The following PDGFD variants were observed in gnomAD, a reference collection of about 807,000 sequenced individuals.
The protein encoded by PDGFD is platelet-derived growth factor D.
PDGFD carries 30 observed loss-of-function variants against 44.7 expected under a neutral mutation model. The observed-to-expected ratio is 0.67, with a 90% confidence interval of 0.50 to 0.91. The LOEUF (loss-of-function observed/expected upper bound fraction) is 0.91. Among genes scored for constraint, PDGFD ranks in the 40% least tolerant of loss-of-function variants. PDGFD has a pLI of 0.00. For missense variants in PDGFD, 445 were observed against 457.8 expected (o/e 0.97, Z 0.25); for synonymous variants, 173 against 168.4 (o/e 1.03, Z -0.21).
At chr11:104,062,002 A>G (rs1860725290) in intron 1 of PDGFD, among the ~76,000 whole-genome samples, 2 of 152,100 alleles carry the variant, frequency 1.3e-5, no homozygotes, top group African/African-American at 4.8e-5. Context: ...TGGCTTGTCT[A>G]TGCCTCTAGT....
rs768449516 is a variant in PDGFD at position 103,907,298 on chromosome 11, CAT to C, written c.*2394_*2395del. The C allele has an allele frequency of 6.6e-6, 1 of 152,068 alleles. No individual in the cohort carries two copies. The highest frequency in any genetic ancestry group is 1.5e-5 in the Non-Finnish European group (1 of 68,000). The allele number at this position is 152,068 out of a possible 1,614,324, so 9.4% of individuals were successfully genotyped here. ...TGCATGTTACCGATATGACAAAAAACATAAAAAACTCTACTTATGAAAGTGTT... is the reference window on the plus strand; with the variant it reads ...TGCATGTTACCGATATGACAAAAAACAAAAAACTCTACTTATGAAAGTGTT... On this transcript the variant is annotated 3_prime_UTR_variant, in exon 7 of 7. Coordinates refer to ENST00000393158, the MANE Select transcript of PDGFD (RefSeq NM_025208.5).
At chr11:103,963,365 T>C (rs926075868) in intron 3 of PDGFD, among the ~76,000 whole-genome samples, 1 of 152,196 alleles carries the variant, frequency 6.6e-6, no homozygotes. Context: ...AGTTTGGGTC[T>C]TCTCAAAGAG....
intron 1 of PDGFD, among the ~76,000 whole-genome samples, chr11:104,163,013 C>T (rs1862411727): frequency 6.6e-6 from 1 of 152,114 alleles, no homozygotes; most frequent in Non-Finnish European, 1.5e-5. Flanking sequence ...AACCAGTGAC[C>T]CAGGTGTCCT....
At chr11:103,965,705 A>G (rs982803597) in intron 3 of PDGFD, among the ~76,000 whole-genome samples, 1 of 152,210 alleles carries the variant, frequency 6.6e-6, no homozygotes, top group Non-Finnish European at 1.5e-5. Flanking sequence ...CATACTGACC[A>G]TGGTAGACTT....
intron 1 of PDGFD, among the ~76,000 whole-genome samples, chr11:104,067,516 C>CAT (rs1860807062): frequency 6.6e-6 from 1 of 152,142 alleles, no homozygotes; most frequent in Admixed American, 6.5e-5. Context: ...ATTTCTCACA[C>CAT]ATATGTACCT....
intron 1 of PDGFD, among the ~76,000 whole-genome samples, chr11:104,155,205 T>C (rs1319103166): frequency 1.3e-5 from 2 of 152,202 alleles, no homozygotes; most frequent in African/African-American, 4.8e-5. Context: ...CTGGTTGAAA[T>C]ACATACATAC....
intron 5 of PDGFD, among the ~76,000 whole-genome samples, chr11:103,937,795 C>T (rs1591084492): frequency 1.4e-5 from 2 of 147,904 alleles, no homozygotes; most frequent in African/African-American, 2.5e-5. Flanking sequence ...TGAGTGAGAA[C>T]ATGCGGTGTT....
intron 1 of PDGFD, among the ~76,000 whole-genome samples, chr11:104,104,642 G>C (rs1306760427): frequency 6.6e-6 from 1 of 152,066 alleles, no homozygotes; most frequent in African/African-American, 2.4e-5. Context: ...CATGTAGTAG[G>C]CTGCACCATC....
chr11:104,109,848 TAG>T (rs998667115), intron 1 of PDGFD, among the ~76,000 whole-genome samples: 6 of 152,162 alleles, frequency 3.9e-5, no homozygotes, highest in Non-Finnish European at 8.8e-5. Flanking sequence ...CAGAGGTTAA[TAG>T]AGTGTGCTCT....
intron 3 of PDGFD, among the ~76,000 whole-genome samples, chr11:103,967,621 C>T (rs1859040720): frequency 1.3e-5 from 2 of 152,138 alleles, no homozygotes; most frequent in East Asian, 1.9e-4. Flanking sequence ...TACTCCCTTG[C>T]CACCTGGCTG....
chr11:103,982,916 G>A (rs1051563025), intron 3 of PDGFD, among the ~76,000 whole-genome samples: 1 of 151,750 alleles, frequency 6.6e-6, no homozygotes, highest in Admixed American at 6.6e-5. Context: ...AGAAATTAGA[G>A]ATGACACAAA....
chr11:103,908,995 T>A lies in PDGFD; in HGVS notation c.*699A>T, dbSNP rs1299399932. The A allele has an allele frequency of 6.6e-6, 1 of 152,188 alleles. No homozygotes were observed. The highest frequency in any genetic ancestry group is 1.5e-5 in the Non-Finnish European group (1 of 68,012). 9.4% of individuals were successfully genotyped at this position (152,188 alleles called of 1,614,324 possible). Reference sequence around the variant, plus strand: ...AATAAGCATGCCTCAGCAAAATGCATAAAAAACACAATGATTTAATTTCTA... The same window carrying A: ...AATAAGCATGCCTCAGCAAAATGCAAAAAAAACACAATGATTTAATTTCTA... On this transcript the variant is annotated 3_prime_UTR_variant, in exon 7 of 7. Coordinates refer to ENST00000393158, the MANE Select transcript of PDGFD (RefSeq NM_025208.5).
At chr11:103,927,787 A>G (rs143837804) in intron 5 of PDGFD, among the ~76,000 whole-genome samples, 6 of 152,332 alleles carry the variant, frequency 3.9e-5, no homozygotes, top group East Asian at 1.9e-4. Context: ...ACTGCCTTCA[A>G]TCACATCATG....
At chr11:103,985,524 C>T (rs998164045) in intron 3 of PDGFD, among the ~76,000 whole-genome samples, 21 of 151,394 alleles carry the variant, frequency 1.4e-4, no homozygotes, top group African/African-American at 3.4e-4. Context: ...ATTTTTGACA[C>T]GAATATGACT....
rs185271146 is a variant in PDGFD, at chr11:104,056,992, G to C, written c.125-56737C>G. ...AAATACAAAAAATTAGCCAGGCATA[G>C]TGGTGCATGCCTGCAGTCCCAGCTA... On this transcript the variant is annotated intron_variant, in intron 1 of 6. Coordinates refer to ENST00000393158, the MANE Select transcript of PDGFD (RefSeq NM_025208.5). 1.5e-4 allele frequency among the ~76,000 whole-genome samples: 23 copies of C among 152,202 alleles called. 1 individual carries two copies. The highest frequency in any genetic ancestry group is 5.3e-4 in the African/African-American group (22 of 41,542).
intron 5 of PDGFD, among the ~76,000 whole-genome samples, chr11:103,941,323 G>C (rs1858580945): frequency 6.6e-6 from 1 of 152,072 alleles, no homozygotes; most frequent in Non-Finnish European, 1.5e-5. Context: ...AAACACAACA[G>C]TACAATAACA....
At position 103,907,927 on chromosome 11, in the gene PDGFD, G is replaced by C. The variant is rs1857962209; in HGVS notation, c.*1767C>G. The C allele has an allele frequency of 6.6e-6, 1 of 152,166 alleles. No individual in the cohort carries two copies. Among genetic ancestry groups the C allele is most frequent in the Non-Finnish European group, 1.5e-5 (1 of 68,020 alleles). The allele number at this position is 152,166 out of a possible 1,614,324, so 9.4% of individuals were successfully genotyped here. A position where few individuals can be genotyped will look rare whatever the true frequency, so the allele number is the denominator to read the frequency against. On this transcript the variant is annotated 3_prime_UTR_variant, in exon 7 of 7. Coordinates refer to ENST00000393158, the MANE Select transcript of PDGFD (RefSeq NM_025208.5). Reference sequence around the variant, plus strand: ...AAAAACATCAGACACTTTTAGGAAAGTTTTAGAAGGTACATCTTCAATAAG... The same window carrying C: ...AAAAACATCAGACACTTTTAGGAAACTTTTAGAAGGTACATCTTCAATAAG...
At chr11:104,049,381 C>CG (rs376398433) in intron 1 of PDGFD, among the ~76,000 whole-genome samples, 4 of 152,060 alleles carry the variant, frequency 2.6e-5, no homozygotes, top group African/African-American at 9.7e-5. Flanking sequence ...CAAGGACGAA[C>CG]GACAAAGAGA....
intron 1 of PDGFD, among the ~76,000 whole-genome samples, chr11:104,089,442 A>T (rs361282): frequency 5.7e-4 from 86 of 152,082 alleles, no homozygotes; most frequent in African/African-American, 4.3e-4. Context: ...CTATTTACAA[A>T]GGATTACACT....
Sources: allele counts gnomAD v4.1 joint callset (sites outside exome capture counted in the v4.1 genomes callset), GRCh38; gene constraint gnomAD v4.1.1; transcripts MANE v1.5; gene names NCBI Gene and HGNC (gene_info 2026-07-23, HGNC 2026-07-21).